COG3: variants seen among roughly 807,000 people sequenced by gnomAD.
The protein encoded by COG3 is conserved oligomeric Golgi complex subunit 3.
Under a neutral mutation model 114.1 loss-of-function variants are expected in COG3, and 32 were observed. The observed-to-expected ratio is 0.28, with a 90% CI of 0.21 to 0.38. COG3 has a LOEUF of 0.38. COG3 is among the 10% of genes least tolerant of loss of function. The pLI, the probability that COG3 is intolerant of heterozygous loss-of-function variation, is 1.00. For missense variants in COG3, 813 were observed against 973.2 expected (o/e 0.84, Z 2.19); for synonymous variants, 352 against 365.7 (o/e 0.96, Z 0.43).
In COG3 at chr13:45,529,693, T is replaced by G. The variant is rs979925820; in HGVS notation, c.2231-98T>G. 3.7e-6 allele frequency: 3 copies of G among 815,618 alleles called. No individual in the cohort carries two copies. In the African/African-American group the frequency reaches 5.3e-5, roughly 14 times the overall value. 50.5% of individuals were successfully genotyped at this position (815,618 alleles called of 1,614,324 possible). A position where few individuals can be genotyped will look rare whatever the true frequency, so the allele number is the denominator to read the frequency against. On this transcript the variant is annotated intron_variant, in intron 20 of 22. Transcript: ENST00000349995. The stretch of plus-strand genomic sequence containing the variant: ...CTTTGGGGAAATAAAGAGTCTTTTC[T>G]TCTGCTATTTTTTTCTCCCTTTATT...
chr13:45,480,397 CTG>C, intron 4 of COG3, 107 bp downstream of exon 4: 3 of 816,148 alleles, frequency 3.7e-6, no homozygotes, highest in Non-Finnish European at 3.6e-6. Flanking sequence ...TTCAACTCTG[CTG>C]TGTTTGAGGC....
rs1464495986 is a variant in COG3, at chr13:45,486,325, C to CGGGAGACGGGAGACGGGAGA, written c.844-163_844-144dup. Reference sequence around the variant, plus strand: ...GAGACGGGAGACGGGAGACGGGAGACGGGAGACGGGAGACGGGAGAGGGAG... The same window carrying CGGGAGACGGGAGACGGGAGA: ...GAGACGGGAGACGGGAGACGGGAGACGGGAGACGGGAGACGGGAGAGGGAGACGGGAGACGGGAGAGGGAG... On this transcript the variant is annotated intron_variant, in intron 7 of 22. Transcript: ENST00000349995. 3.9e-4 allele frequency among the ~76,000 whole-genome samples: 11 copies of CGGGAGACGGGAGACGGGAGA among 27,928 alleles called. 1 individual carries two copies. Among genetic ancestry groups the CGGGAGACGGGAGACGGGAGA allele is most frequent in the Non-Finnish European group, 5.6e-4 (8 of 14,190 alleles). The allele number at this position is 27,928 out of a possible 152,430, so 18.3% of individuals were successfully genotyped here.
rs1393292980 is a variant in COG3, at chr13:45,509,786, C to T, written c.1689C>T (p.Val563=). The T allele has an allele frequency of 2.5e-6, 4 of 1,613,634 alleles. No homozygotes were observed. The highest frequency in any genetic ancestry group is 3.4e-6 in the Non-Finnish European group (4 of 1,179,688). ...MWYPTVRRTL[V]CLSKLYRCID... is the part of the protein sequence containing the mutation. The stretch of plus-strand genomic sequence containing the variant: ...ATCCTACGGTTCGAAGAACTCTTGT[C>T]TGTCTCTCCAAATTATACAGATGCA... The change falls in exon 15 of 23, where the codon GTC becomes GTT. Residue 563 remains valine (V), a synonymous_variant. Transcript: ENST00000349995.
intron 20 of COG3, among the ~76,000 whole-genome samples, chr13:45,529,112 A>T (rs1161049446): frequency 6.6e-6 from 1 of 152,140 alleles, no homozygotes; most frequent in African/African-American, 2.4e-5. Flanking sequence ...TTTCATTTAC[A>T]TTTATTTATG....
In COG3 at chr13:45,493,569, C is replaced by CAGGGAA. The variant is rs201628469; in HGVS notation, c.1327+83_1327+84insAGGGAA. On this transcript the variant is annotated intron_variant, in intron 12 of 22. Transcript: ENST00000349995. ...AAAAATAAGTGCTTCTTCCCTCACC[C>CAGGGAA]CACTAAATAGATAAATTTAATATTT... The CAGGGAA allele has an allele frequency of 1.2e-3, 1,436 of 1,188,398 alleles. 12 individuals are homozygous for CAGGGAA. The African/African-American group carries it at 0.02, about 16-fold the overall frequency. The allele number at this position is 1,188,398 out of a possible 1,614,324, so 73.6% of individuals were successfully genotyped here.
At chr13:45,489,220 C>T in intron 8 of COG3, among the ~76,000 whole-genome samples, 1 of 81,734 alleles carries the variant, frequency 1.2e-5, no homozygotes, top group Admixed American at 1.9e-4. Flanking sequence ...AAAGAGCCAG[C>T]CAGTTGAAAG....
At chr13:45,465,286 C>T in intron 1 of COG3, 76 bp downstream of exon 1, 1 of 1,548,366 alleles carries the variant, frequency 6.5e-7, no homozygotes, top group South Asian at 1.2e-5. Context: ...GGACCCCGGC[C>T]TCACTAGCCT....
At chr13:45,486,914 A>G (rs1373361410) in intron 8 of COG3, among the ~76,000 whole-genome samples, 1 of 152,218 alleles carries the variant, frequency 6.6e-6, no homozygotes, top group African/African-American at 2.4e-5. Flanking sequence ...TGTAGGAGAC[A>G]TAAAAGACAT....
At chr13:45,492,697 C>G (rs1004719556) in intron 11 of COG3, among the ~76,000 whole-genome samples, 11 of 152,076 alleles carry the variant, frequency 7.2e-5, no homozygotes, top group Non-Finnish European at 1.3e-4. Flanking sequence ...TCTTAATGTT[C>G]ACTCTTTTGA....
chr13:45,510,321 T>A (rs1216468922), intron 15 of COG3, among the ~76,000 whole-genome samples: 1 of 152,212 alleles, frequency 6.6e-6, no homozygotes, highest in Non-Finnish European at 1.5e-5. Flanking sequence ...TTATAGATTT[T>A]GAAATGCTAC....
At chr13:45,511,306 G>A (rs1870836004) in intron 15 of COG3, among the ~76,000 whole-genome samples, 1 of 152,012 alleles carries the variant, frequency 6.6e-6, no homozygotes, top group Admixed American at 6.5e-5. Flanking sequence ...CCAGTTTATG[G>A]CTGTTCTAAA....
intron 1 of COG3, chr13:45,465,483 C>T (rs1014980813): frequency 6.5e-6 from 3 of 458,350 alleles, no homozygotes; most frequent in African/African-American, 2.0e-5. Flanking sequence ...CAGCATGGGA[C>T]GGTTGGCCCG....
intron 1 of COG3, among the ~76,000 whole-genome samples, chr13:45,472,504 C>A (rs1885584850): frequency 6.6e-6 from 1 of 152,112 alleles, no homozygotes; most frequent in Non-Finnish European, 1.5e-5. Flanking sequence ...TCACACAATT[C>A]TTGGATGCTA....
Position 45,534,904 on chromosome 13 carries a change from G to C in COG3, c.*173G>C. On this transcript the variant is annotated 3_prime_UTR_variant, in exon 23 of 23. Coordinates refer to ENST00000349995, the MANE Select transcript of COG3 (RefSeq NM_031431.4). The stretch of plus-strand genomic sequence containing the variant: ...ATAGAAGCAAAGTGTTACAGGATCA[G>C]TGTTTTCTTTTCTAAAACATCAAAA... The C allele has an allele frequency of 8.0e-7, 1 of 1,253,868 alleles. No homozygotes were observed. Among genetic ancestry groups the C allele is most frequent in the Non-Finnish European group, 1.0e-6 (1 of 1,000,722 alleles). The allele number at this position is 1,253,868 out of a possible 1,614,324, so 77.7% of individuals were successfully genotyped here.
intron 12 of COG3, among the ~76,000 whole-genome samples, chr13:45,495,878 T>A (rs552851564): frequency 1.3e-5 from 2 of 152,272 alleles, no homozygotes; most frequent in Middle Eastern, 3.4e-3. Context: ...GAAATAACTT[T>A]TAAAGAGCAA....
At chr13:45,524,444 A>C (rs1363049536) in intron 19 of COG3, among the ~76,000 whole-genome samples, 1 of 152,180 alleles carries the variant, frequency 6.6e-6, no homozygotes, top group Non-Finnish European at 1.5e-5. Flanking sequence ...TATCTTTAGC[A>C]CTGATTGGTC....
intron 19 of COG3, among the ~76,000 whole-genome samples, chr13:45,523,033 G>T (rs1536212): frequency 0.32 from 48,274 of 151,976 alleles, 8,724 homozygotes; most frequent in Admixed American, 0.42. Flanking sequence ...CTGCAGAAAT[G>T]TTATTTTGTA....
At chr13:45,473,110 C>T (rs2137779548) in intron 1 of COG3, among the ~76,000 whole-genome samples, 1 of 152,248 alleles carries the variant, frequency 6.6e-6, no homozygotes, top group East Asian at 1.9e-4. Context: ...ACCTCGTGAT[C>T]CTCCCACCTC....
chr13:45,505,594 T>G (rs1208730416), intron 14 of COG3, among the ~76,000 whole-genome samples: 1 of 151,932 alleles, frequency 6.6e-6, no homozygotes, highest in Non-Finnish European at 1.5e-5. Context: ...CGTGAGCCAC[T>G]GCGCCTGACC....
Sources: gnomAD v4.1 joint callset for allele counts (sites outside exome capture counted in the v4.1 genomes callset) on GRCh38, gnomAD v4.1.1 for gene constraint, MANE v1.5 for transcripts, NCBI Gene and HGNC (gene_info 2026-07-23, HGNC 2026-07-21) for gene names.